Variants in PDE4D observed in about 807,000 individuals in gnomAD.
The protein encoded by PDE4D is 3',5'-cyclic-AMP phosphodiesterase 4D.
Under a neutral mutation model 87.4 loss-of-function variants are expected in PDE4D, and 24 were observed. The observed-to-expected ratio is 0.27, with a 90% CI of 0.20 to 0.39. The LOEUF is 0.39. PDE4D is among the 10% of genes least tolerant of loss of function. PDE4D has a pLI of 1.00. For missense variants in PDE4D, 714 were observed against 1,041.0 expected, an observed-to-expected ratio of 0.69 and a Z score of 4.32; for synonymous variants, 384 against 383.2, an observed-to-expected ratio of 1.00 and a Z score of -0.02.
chr5:59,823,679 A>G (rs1398139684), intron 1 of PDE4D, among the ~76,000 whole-genome samples: 1 of 151,964 alleles, frequency 6.6e-6, no homozygotes, highest in African/African-American at 2.4e-5. Context: ...TTCTGGCTGC[A>G]CTTCAAAAAC....
intron 1 of PDE4D, among the ~76,000 whole-genome samples, chr5:59,392,263 C>T (rs563959281): frequency 4.4e-4 from 67 of 151,810 alleles, no homozygotes; most frequent in African/African-American, 1.4e-3. Context: ...TAGCTGCCAG[C>T]GCTGCTAGAA....
At chr5:60,317,957 T>C (rs1416066311) in intron 1 of PDE4D, among the ~76,000 whole-genome samples, 2 of 152,250 alleles carry the variant, frequency 1.3e-5, no homozygotes, top group Non-Finnish European at 2.9e-5. Context: ...AGAAGATGTA[T>C]ATTCTGTAGA....
At chr5:60,147,402 A>G (rs1376935564) in intron 2 of PDE4D, among the ~76,000 whole-genome samples, 1 of 152,200 alleles carries the variant, frequency 6.6e-6, no homozygotes, top group African/African-American at 2.4e-5. Flanking sequence ...TTATTTACCA[A>G]CAAGATTAAA....
chr5:60,263,410 G>A (rs993620938), intron 1 of PDE4D, among the ~76,000 whole-genome samples: 5 of 152,124 alleles, frequency 3.3e-5, no homozygotes, highest in Admixed American at 6.5e-5. Flanking sequence ...GCTGGGTGAC[G>A]CCACAAGGAG....
intron 1 of PDE4D, chr5:59,587,668 G>T (rs533633061): frequency 7.2e-5 from 70 of 970,724 alleles, no homozygotes; most frequent in Admixed American, 3.1e-4. Flanking sequence ...CCTGACAGGG[G>T]ATGTGCTGGC....
chr5:58,986,791 G>A (rs1192304272), intron 11 of PDE4D, among the ~76,000 whole-genome samples: 1 of 152,076 alleles, frequency 6.6e-6, no homozygotes, highest in South Asian at 2.1e-4. Context: ...AATAGAGCAG[G>A]TCCTCATTAC....
At chr5:59,155,203 C>G (rs1312871726) in intron 5 of PDE4D, among the ~76,000 whole-genome samples, 1 of 151,834 alleles carries the variant, frequency 6.6e-6, no homozygotes, top group Admixed American at 6.6e-5. Context: ...AGTGAGAAAA[C>G]CAATTAATCA....
chr5:59,806,845 G>A (rs977203283), intron 1 of PDE4D, among the ~76,000 whole-genome samples: 7 of 152,116 alleles, frequency 4.6e-5, no homozygotes, highest in Non-Finnish European at 2.9e-5. Flanking sequence ...ATTACACAAC[G>A]TGTACATATT....
At chr5:59,417,345 C>T (rs983535588) in intron 1 of PDE4D, among the ~76,000 whole-genome samples, 9 of 152,062 alleles carry the variant, frequency 5.9e-5, no homozygotes, top group Admixed American at 6.6e-5. Context: ...TTACAAAGGA[C>T]ATTAAATGCA....
At chr5:60,138,076 T>C (rs1391259436) in intron 2 of PDE4D, among the ~76,000 whole-genome samples, 2 of 152,122 alleles carry the variant, frequency 1.3e-5, no homozygotes, top group Non-Finnish European at 2.9e-5. Context: ...ATCAGGTTTG[T>C]CAAAGAACAG....
chr5:60,511,179 A>G (rs560372403), intron 1 of PDE4D, among the ~76,000 whole-genome samples: 106 of 152,134 alleles, frequency 7.0e-4, no homozygotes, highest in African/African-American at 2.3e-3. Flanking sequence ...TATGTTGACC[A>G]CACTGGTCTC....
intron 3 of PDE4D, among the ~76,000 whole-genome samples, chr5:59,935,887 T>C (rs1756512360): frequency 6.6e-6 from 1 of 152,230 alleles, no homozygotes; most frequent in Non-Finnish European, 1.5e-5. Flanking sequence ...TCCAAGTCTT[T>C]GCTATTGTGA....
intron 1 of PDE4D, among the ~76,000 whole-genome samples, chr5:59,853,850 TA>T (rs1650366932): frequency 6.6e-6 from 1 of 152,040 alleles, no homozygotes; most frequent in South Asian, 2.1e-4. Context: ...TGGTTTCAAT[TA>T]AAAAATTCAA....
intron 3 of PDE4D, among the ~76,000 whole-genome samples, chr5:59,928,909 T>A (rs939693245): frequency 2.0e-5 from 3 of 150,814 alleles, no homozygotes; most frequent in African/African-American, 4.9e-5. Flanking sequence ...ATATATTAGA[T>A]CATATATATA....
At chr5:59,069,440 T>A (rs569921350) in intron 5 of PDE4D, among the ~76,000 whole-genome samples, 110 of 152,290 alleles carry the variant, frequency 7.2e-4, no homozygotes, top group African/African-American at 2.5e-3. Context: ...CGTCCTAACA[T>A]TTTGTTCTAC....
intron 1 of PDE4D, among the ~76,000 whole-genome samples, chr5:59,284,503 C>T (rs1766483662): frequency 6.6e-6 from 1 of 151,840 alleles, no homozygotes; most frequent in Non-Finnish European, 1.5e-5. Context: ...AAATCAAAAC[C>T]ACTATGAGAT....
chr5:59,080,594 C>T (rs1766564777), intron 5 of PDE4D, among the ~76,000 whole-genome samples: 1 of 152,146 alleles, frequency 6.6e-6, no homozygotes, highest in Admixed American at 6.6e-5. Flanking sequence ...CAAGTATCAG[C>T]TGAAAAGGGT....
At chr5:59,397,855 G>A (rs1254573215) in intron 1 of PDE4D, among the ~76,000 whole-genome samples, 1 of 123,398 alleles carries the variant, frequency 8.1e-6, no homozygotes, top group African/African-American at 3.2e-5. Flanking sequence ...AAGAAAAAAA[G>A]AGAGAAGAAT....
chr5:59,201,740 C>T (rs1026524580), intron 2 of PDE4D, among the ~76,000 whole-genome samples: 4 of 152,118 alleles, frequency 2.6e-5, no homozygotes, highest in African/African-American at 4.8e-5. Flanking sequence ...AAGCCAACTT[C>T]AGTTACAAGT....
Sources: allele counts gnomAD v4.1 joint callset (sites outside exome capture counted in the v4.1 genomes callset), GRCh38; gene constraint gnomAD v4.1.1; transcripts MANE v1.5; gene names NCBI Gene and HGNC (gene_info 2026-07-23, HGNC 2026-07-21).